IQSEC1: variants seen among roughly 807,000 people sequenced by gnomAD.
The protein encoded by IQSEC1 is IQ motif and Sec7 domain ArfGEF 1, also known as IQ motif and SEC7 domain-containing protein 1.
In IQSEC1, 31 loss-of-function variants were observed where a neutral mutation model predicts 91.0. The ratio of observed to expected loss-of-function variants is 0.34; its 90% confidence interval spans 0.26 to 0.46. IQSEC1 has a LOEUF of 0.46. Ranked by LOEUF, IQSEC1 falls within the 20% of genes least tolerant of loss-of-function variation. The pLI, the probability that IQSEC1 is intolerant of heterozygous loss-of-function variation, is 1.00. For missense variants in IQSEC1, 1,388 were observed against 1,575.6 expected (o/e 0.88, Z 2.02); for synonymous variants, 699 against 662.6 (o/e 1.05, Z -0.84).
At chr3:13,119,251 A>T (rs993164311) in intron 2 of IQSEC1, among the ~76,000 whole-genome samples, 1 of 152,204 alleles carries the variant, frequency 6.6e-6, no homozygotes, top group African/African-American at 2.4e-5. Context: ...GCCCATGTGA[A>T]CACACTGTTA....
intron 1 of IQSEC1, among the ~76,000 whole-genome samples, chr3:13,234,296 G>A (rs1404847505): frequency 6.7e-6 from 1 of 150,008 alleles, no homozygotes; most frequent in African/African-American, 2.5e-5. Flanking sequence ...GTGCCTGTGG[G>A]TGTGAGTCCT....
chr3:12,965,850 G>A (rs201856123), intron 1 of IQSEC1, among the ~76,000 whole-genome samples: 1 of 152,254 alleles, frequency 6.6e-6, no homozygotes, highest in South Asian at 2.1e-4. Flanking sequence ...CACGCTAATG[G>A]TTTCTTGTTC....
Position 13,259,558 on chromosome 3 carries a change from G to A in IQSEC1, c.272+23153C>T, listed in dbSNP as rs1192709162. Among the ~76,000 whole-genome samples the A allele has an allele frequency of 1.3e-5, 2 of 152,234 alleles. No individual in the cohort carries two copies. Among genetic ancestry groups the A allele is most frequent in the African/African-American group, 4.8e-5 (2 of 41,454 alleles). ...CCCAAGGCCTTCGAGGCGGGCTGAT[G>A]GATGCAGTGTTTAAGCCATAACTGT... is the stretch of plus-strand genomic sequence containing the variant. On this transcript the variant is annotated intron_variant, in intron 1 of 15. Coordinates refer to the IQSEC1 transcript ENST00000648114. This position sits in a 1 kb window ranked among gnomAD's most constrained non-coding sequence, Gnocchi z 4.6.
chr3:13,191,777 G>A (rs1008788891), intron 1 of IQSEC1, among the ~76,000 whole-genome samples: 4 of 151,998 alleles, frequency 2.6e-5, no homozygotes, highest in Non-Finnish European at 4.4e-5. Context: ...AATTTCCTTC[G>A]CTTGACCATC....
At chr3:13,254,246 G>C (rs976769376) in intron 1 of IQSEC1, among the ~76,000 whole-genome samples, 1 of 152,228 alleles carries the variant, frequency 6.6e-6, no homozygotes, top group Non-Finnish European at 1.5e-5. Flanking sequence ...AACATGAACC[G>C]AGCCCGCTCC....
At chr3:13,277,291 C>T (rs1318263219) in intron 1 of IQSEC1, among the ~76,000 whole-genome samples, 3 of 152,108 alleles carry the variant, frequency 2.0e-5, no homozygotes, top group Non-Finnish European at 2.9e-5. Flanking sequence ...TCACTCCCCC[C>T]GGCACAGCAA....
At chr3:13,154,438 C>CACATATATATATATAT (rs1277879413) in intron 2 of IQSEC1, among the ~76,000 whole-genome samples, 955 of 20,754 alleles carry the variant, frequency 0.046, 238 homozygotes, top group Non-Finnish European at 0.055. Flanking sequence ...AACTTACATG[C>CACATATATATATATAT]ATATATATAT....
chr3:13,093,595 C>T (rs530311054), intron 2 of IQSEC1, among the ~76,000 whole-genome samples: 8 of 152,278 alleles, frequency 5.3e-5, no homozygotes, highest in African/African-American at 1.4e-4. Context: ...GGAGGTTATT[C>T]AGTGTGATTC....
intron 1 of IQSEC1, among the ~76,000 whole-genome samples, chr3:13,043,867 T>C (rs1276031605): frequency 3.3e-5 from 5 of 152,186 alleles, no homozygotes; most frequent in Non-Finnish European, 7.4e-5. Context: ...TCACACTCCA[T>C]TCAGACGAGG....
rs139603221 is a variant in IQSEC1, at chr3:12,902,798, G to A, written c.2780C>T (p.Ala927Val). The change falls in exon 13 of 14, where the codon GCG becomes GTG. Residue 927 changes from alanine (A) to valine (V), a missense_variant. This residue lies in a region of IQSEC1 where 1,059 missense variants were observed against 1,317.8 expected (regional missense o/e 0.80). Coordinates refer to ENST00000613206, the MANE Select transcript of IQSEC1 (RefSeq NM_001134382.3). The part of the protein sequence containing the change: ...EAGKRGRRSS[A>V]GSLESNVEGS... ...TTCCACATTGCTCTCTAGCGATCCC[G>A]CACTGCTGCGACGCCCTCGCTTCCC... 189 of 1,593,070 alleles carry A rather than the reference G, an allele frequency of 1.2e-4. 1 individual carries two copies. Among genetic ancestry groups the A allele is most frequent in the African/African-American group, 2.7e-4 (20 of 73,232 alleles).
chr3:12,964,466 AAGAAAATCC>A (rs1220375386), intron 1 of IQSEC1, among the ~76,000 whole-genome samples: 7 of 152,238 alleles, frequency 4.6e-5, no homozygotes, highest in Non-Finnish European at 7.3e-5. Context: ...AACAGGAAGC[AAGAAAATCC>A]AGCGGGTCAT....
At chr3:13,067,622 C>A (rs1420634981) in intron 1 of IQSEC1, among the ~76,000 whole-genome samples, 1 of 152,210 alleles carries the variant, frequency 6.6e-6, no homozygotes, top group African/African-American at 2.4e-5. Context: ...GGCCCCCTGA[C>A]CACCCTCCTT....
chr3:13,173,374 G>A (rs1197735694), intron 1 of IQSEC1, among the ~76,000 whole-genome samples: 1 of 152,192 alleles, frequency 6.6e-6, no homozygotes, highest in African/African-American at 2.4e-5. Context: ...GAACTAAATA[G>A]GACCTCAGCA....
At chr3:13,027,170 A>T (rs1047649351) in intron 1 of IQSEC1, among the ~76,000 whole-genome samples, 2 of 152,092 alleles carry the variant, frequency 1.3e-5, no homozygotes, top group Non-Finnish European at 2.9e-5. Flanking sequence ...CCGTTTTCCA[A>T]ATGGAAAAAT....
At chr3:13,129,873 T>A (rs1207954405) in intron 2 of IQSEC1, among the ~76,000 whole-genome samples, 6 of 151,868 alleles carry the variant, frequency 4.0e-5, no homozygotes, top group African/African-American at 1.5e-4. Context: ...TTAGCCTGGA[T>A]GGTCTCGATC....
chr3:13,028,619 T>A (rs1703721650), intron 1 of IQSEC1, among the ~76,000 whole-genome samples: 1 of 152,210 alleles, frequency 6.6e-6, no homozygotes, highest in Non-Finnish European at 1.5e-5. Context: ...ATGGAAGGAC[T>A]CACATTAGCA....
chr3:13,195,979 A>T (rs1175880924), intron 1 of IQSEC1, among the ~76,000 whole-genome samples: 3 of 152,330 alleles, frequency 2.0e-5, no homozygotes, highest in Admixed American at 1.3e-4. Flanking sequence ...TTATGACTAC[A>T]TGTGAATCTA....
At position 12,983,987 on chromosome 3, in the gene IQSEC1, G is replaced by A. The variant is rs373109761; in HGVS notation, c.24-42122C>T. 2.6e-5 allele frequency among the ~76,000 whole-genome samples: 4 copies of A among 152,248 alleles called. No homozygotes were observed. Among genetic ancestry groups the A allele is most frequent in the Admixed American group, 1.3e-4 (2 of 15,304 alleles). On this transcript the variant is annotated intron_variant, in intron 1 of 13. Coordinates refer to ENST00000613206, the MANE Select transcript of IQSEC1 (RefSeq NM_001134382.3). The surrounding 1 kb of genome is among the most constrained non-coding windows in gnomAD (Gnocchi z 4.3). Reference sequence around the variant, plus strand: ...CGTGGGTTCTGGGGGATAGTAACATGGTAAACAGATGGTCTGCACAGAGCT... The same window carrying A: ...CGTGGGTTCTGGGGGATAGTAACATAGTAAACAGATGGTCTGCACAGAGCT...
At chr3:13,079,038 C>A (rs1705605986) in intron 2 of IQSEC1, among the ~76,000 whole-genome samples, 1 of 152,270 alleles carries the variant, frequency 6.6e-6, no homozygotes, top group Admixed American at 6.5e-5. Flanking sequence ...GAGAGAAGCA[C>A]TGCTCTCCTG....
Sources: gnomAD v4.1 joint callset for allele counts (sites outside exome capture counted in the v4.1 genomes callset) on GRCh38, gnomAD v4.1.1 for gene constraint, gnomAD v4.1.1 regional missense constraint, Gnocchi (gnomAD v3.1) non-coding constraint, MANE v1.5 for transcripts, NCBI Gene and HGNC (gene_info 2026-07-23, HGNC 2026-07-21) for gene names.